Variants in LAMA1 observed in about 807,000 individuals in gnomAD.
LAMA1 encodes the protein laminin subunit alpha-1.
In LAMA1, 219 loss-of-function variants were observed where a neutral mutation model predicts 348.7. The ratio of observed to expected loss-of-function variants is 0.63; its 90% CI spans 0.56 to 0.70. The LOEUF (loss-of-function observed/expected upper bound fraction) is 0.70. Ranked by LOEUF, LAMA1 falls within the 30% of genes least tolerant of loss-of-function variation. The probability of loss-of-function intolerance (pLI) is 0.00; values close to 1 mark genes in which losing one functional copy is unlikely to be tolerated. For synonymous variants in LAMA1, 1,487 were observed against 1,491.0 expected, an observed-to-expected ratio of 1.00 and a Z score of 0.06; for missense variants, 3,744 against 3,888.0, an observed-to-expected ratio of 0.96 and a Z score of 0.99.
chr18:7,021,387 G>T (rs2144136802), intron 19 of LAMA1, among the ~76,000 whole-genome samples: 1 of 152,292 alleles, frequency 6.6e-6, no homozygotes, highest in Non-Finnish European at 1.5e-5. Flanking sequence ...TACTGAAGCG[G>T]TTTTGTCAAT....
chr18:7,002,123 C>T, intron 30 of LAMA1, 141 bp downstream of exon 30: 1 of 1,083,700 alleles, frequency 9.2e-7, no homozygotes. Flanking sequence ...TGAGAATGAA[C>T]ACCTTTTCTT....
intron 15 of LAMA1, among the ~76,000 whole-genome samples, chr18:7,032,524 T>G (rs2057974978): frequency 6.6e-6 from 1 of 152,216 alleles, no homozygotes; most frequent in South Asian, 2.1e-4. Context: ...ACAGATTACT[T>G]TCATTGAGGA....
In LAMA1 at chr18:7,034,480, T is replaced by A. The variant is rs2144166898; in HGVS notation, c.2050A>T (p.Arg684Trp). 6.2e-7 allele frequency: 1 copy of A among 1,613,324 alleles called. No individual in the cohort carries two copies. The highest frequency in any genetic ancestry group is 8.5e-7 in the Non-Finnish European group (1 of 1,179,290). Residue 684 changes from arginine to tryptophan, a missense_variant and splice_region_variant, in exon 14 of 63, where the codon AGG becomes TGG. Physicochemically the swap from Arg to Trp is moderately radical, Grantham distance 101 (BLOSUM62 -3). Coordinates refer to ENST00000389658, the MANE Select transcript of LAMA1 (RefSeq NM_005559.4). ...TTTTCCTCCATTTTCAATACATACCTGTAAAGAGCCATTTTTGCAGAATTG... is the reference window on the plus strand; with the variant it reads ...TTTTCCTCCATTTTCAATACATACCAGTAAAGAGCCATTTTTGCAGAATTG... Reference protein sequence around the residue: ...NYNSAKMALYRLESVSLDIAS... With the variant: ...NYNSAKMALYWLESVSLDIAS...
Position 6,995,448 on chromosome 18 carries a change from T to C in LAMA1, c.4807-2A>G, listed in dbSNP as rs2057777177. ...CATATTTTCTTTTAATAAAGATTCC[T>C]AGGAAGAATGGAGGAAACAAATTAC... On this transcript the variant is annotated splice_acceptor_variant, in intron 33 of 62. Transcript: ENST00000389658. LOFTEE classifies it high-confidence loss of function. The C allele has an allele frequency of 7.3e-6, 11 of 1,515,506 alleles. No homozygotes were observed. Among genetic ancestry groups the C allele is most frequent in the Admixed American group, 1.7e-5 (1 of 59,882 alleles). The allele number at this position is 1,515,506 out of a possible 1,614,324, so 93.9% of individuals were successfully genotyped here. A position where few individuals can be genotyped will look rare whatever the true frequency, so the allele number is the denominator to read the frequency against.
intron 3 of LAMA1, among the ~76,000 whole-genome samples, chr18:7,054,719 C>T (rs2058074761): frequency 6.6e-6 from 1 of 152,114 alleles, no homozygotes; most frequent in African/African-American, 2.4e-5. Flanking sequence ...GCTTCTGCCA[C>T]CCCTGAGACA....
At chr18:7,038,441 T>A (rs62083461) in intron 11 of LAMA1, 115,549 of 359,300 alleles carry the variant, frequency 0.32, 19,944 homozygotes, top group African/African-American at 0.5. Flanking sequence ...TTAGCGTCTT[T>A]GAGCTGGAAA....
chr18:7,037,135 C>G (rs1008678027), intron 12 of LAMA1, among the ~76,000 whole-genome samples: 1 of 152,190 alleles, frequency 6.6e-6, no homozygotes, highest in African/African-American at 2.4e-5. Flanking sequence ...CCACGGTACT[C>G]AAAGTGAGGG....
chr18:7,089,640 C>T (rs1444361341), intron 1 of LAMA1, among the ~76,000 whole-genome samples: 3 of 152,226 alleles, frequency 2.0e-5, no homozygotes, highest in Non-Finnish European at 4.4e-5. Flanking sequence ...TCAATAAACC[C>T]CCTGTTGCCT....
rs747467274 is a variant in LAMA1, at chr18:6,973,115, ACATTAGCTGTCC to A, written c.6704_6715del (p.Gly2235_Asn2238del). ...GAGTGTTGAATTGTTTACATCCAGA[ACATTAGCTGTCC>A]CAGGGGATTTACTTGTTTTTGTTGG... is the stretch of plus-strand genomic sequence containing the variant. On this transcript the variant is annotated inframe_deletion, in exon 47 of 63. Coordinates refer to ENST00000389658, the MANE Select transcript of LAMA1 (RefSeq NM_005559.4). 1 of 1,614,148 alleles carries A rather than the reference ACATTAGCTGTCC, an allele frequency of 6.2e-7. No homozygotes were observed. The highest frequency in any genetic ancestry group is 2.2e-5 in the East Asian group (1 of 44,894).
intron 16 of LAMA1, 103 bp downstream of exon 16, chr18:7,031,963 G>C (rs2057971559): frequency 1.2e-6 from 1 of 829,076 alleles, no homozygotes; most frequent in Non-Finnish European, 2.0e-6. Context: ...TATGAGGCTA[G>C]GGTTATTCCG....
intron 30 of LAMA1, among the ~76,000 whole-genome samples, chr18:7,001,969 C>T (rs978710936): frequency 2.0e-5 from 3 of 152,156 alleles, no homozygotes; most frequent in African/African-American, 4.8e-5. Flanking sequence ...CAATTTATCT[C>T]CATGCAGATT....
Position 7,011,541 on chromosome 18 carries a change from T to G in LAMA1, c.3508-62A>C, listed in dbSNP as rs193058952. 1.2e-4 allele frequency: 167 copies of G among 1,421,400 alleles called. 1 individual carries two copies. The East Asian group carries it at 4.0e-3, about 34-fold the overall frequency. 88.0% of individuals were successfully genotyped at this position (1,421,400 alleles called of 1,614,324 possible). A position where few individuals can be genotyped will look rare whatever the true frequency, so the allele number is the denominator to read the frequency against. ...TGCGAACTTTCCACTCCAGTTTCAT[T>G]CTTTAGATTCCATCATTGTTTCACA... On this transcript the variant is annotated intron_variant, in intron 24 of 62. Coordinates refer to ENST00000389658, the MANE Select transcript of LAMA1 (RefSeq NM_005559.4).
chr18:6,976,198 T>A (rs2057681491), intron 44 of LAMA1, 118 bp from the exon 45 acceptor site: 1 of 919,778 alleles, frequency 1.1e-6, no homozygotes, highest in Non-Finnish European at 1.8e-6. Context: ...CCTCTCTTGA[T>A]AACATACAAT....
intron 18 of LAMA1, among the ~76,000 whole-genome samples, chr18:7,024,091 G>C (rs1390043758): frequency 1.3e-5 from 2 of 151,802 alleles, no homozygotes; most frequent in African/African-American, 4.8e-5. Context: ...TGATCCACCT[G>C]CCTCAGCCTC....
rs2144187103 is a variant in LAMA1 at position 7,043,347 on chromosome 18, C to A, written c.1035G>T (p.Gln345His). 1 of 1,614,044 alleles carries A rather than the reference C, an allele frequency of 6.2e-7. No individual in the cohort carries two copies. The highest frequency in any genetic ancestry group is 1.3e-5 in the African/African-American group (1 of 75,048). The part of the protein sequence containing the change: ...DCYYDESVAK[Q>H]KKSLNTAGQF... ...GTCCAGCAGTATTCAAACTTTTCTT[C>A]TGCTTTGCAACACTTTCATCATAGT... The change falls in exon 8 of 63, where the codon CAG becomes CAT. Residue 345 changes from glutamine (Q) to histidine (H), a missense_variant. This residue lies in a region of LAMA1 where 1,529 missense variants were observed against 1,689.4 expected (regional missense o/e 0.91). Transcript: ENST00000389658.
At chr18:7,028,791 C>T (rs868345300) in intron 16 of LAMA1, among the ~76,000 whole-genome samples, 1 of 152,146 alleles carries the variant, frequency 6.6e-6, no homozygotes, top group South Asian at 2.1e-4. Context: ...GGGAGGGGTG[C>T]GGAGGTCGGC....
In LAMA1 at chr18:7,042,374, G is replaced by A. The variant is rs114200027; in HGVS notation, c.1156-124C>T. 5.1e-4 allele frequency: 356 copies of A among 695,674 alleles called. 3 individuals carry two copies. The highest frequency in any genetic ancestry group is 5.0e-3 in the African/African-American group (286 of 56,854). The allele number at this position is 695,674 out of a possible 1,614,324, so 43.1% of individuals were successfully genotyped here. A position where few individuals can be genotyped will look rare whatever the true frequency, so the allele number is the denominator to read the frequency against. On this transcript the variant is annotated intron_variant, in intron 8 of 62. Transcript: ENST00000389658. ...ACTATTACGATGATTTTGTGCATGG[G>A]GGTGGGGGTTAGGTTTGAGGAAGAT...
In LAMA1 at chr18:7,058,841, G is replaced by T. The variant is rs16951126; in HGVS notation, c.346-7905C>A. On this transcript the variant is annotated intron_variant, in intron 3 of 62. Transcript: ENST00000389658. ...TCACCAATCATGTGTTGACAAATTGGTCTTATATGTAATGTAGAAAAACTG... is the reference window on the plus strand; with the variant it reads ...TCACCAATCATGTGTTGACAAATTGTTCTTATATGTAATGTAGAAAAACTG... Among the ~76,000 whole-genome samples the T allele has an allele frequency of 7.8e-3, 1,188 of 152,274 alleles. 22 individuals carry two copies. Among genetic ancestry groups the T allele is most frequent in the African/African-American group, 0.027 (1,129 of 41,552 alleles).
chr18:6,962,317 C>T (rs1172677489), intron 51 of LAMA1, among the ~76,000 whole-genome samples: 1 of 151,298 alleles, frequency 6.6e-6, no homozygotes, highest in Admixed American at 6.6e-5. Flanking sequence ...GAGACTGAGG[C>T]AGGAGGATTG....
Sources: gnomAD v4.1 joint callset for allele counts (sites outside exome capture counted in the v4.1 genomes callset) on GRCh38, gnomAD v4.1.1 for gene constraint, gnomAD v4.1.1 regional missense constraint, MANE v1.5 for transcripts, NCBI Gene and HGNC (gene_info 2026-07-23, HGNC 2026-07-21) for gene names.